ATP6V1C2: variants seen among roughly 807,000 people sequenced by gnomAD.
ATP6V1C2 encodes the protein V-type proton ATPase subunit C 2.
Under a neutral mutation model 56.8 loss-of-function variants are expected in ATP6V1C2, and 45 were observed. The observed-to-expected ratio is 0.79, with a 90% CI of 0.62 to 1.02. ATP6V1C2 has a LOEUF of 1.02. Ranked by LOEUF, ATP6V1C2 falls within the 50% of genes least tolerant of loss-of-function variation. The pLI, the probability that ATP6V1C2 is intolerant of heterozygous loss-of-function variation, is 0.00. For missense variants in ATP6V1C2, 463 were observed against 519.7 expected (o/e 0.89, Z 1.06); for synonymous variants, 220 against 201.3 (o/e 1.09, Z -0.79).
In ATP6V1C2 at chr2:10,771,856, G is replaced by C; in HGVS notation, c.488G>C (p.Arg163Pro). The stretch of plus-strand genomic sequence containing the variant: ...CCTTTTAGGGGGAACCTCTTCACCC[G>C]GACACTGAGTGATATTGTGAGCAAA... ...EKKSMGNLFT[R>P]TLSDIVSKED... The change falls in exon 7 of 14, where the codon CGG becomes CCG. Residue 163 changes from arginine to proline, a missense_variant. Physicochemically the swap from Arg to Pro is moderately radical, Grantham distance 103 (BLOSUM62 -2). Transcript: ENST00000272238. The C allele has an allele frequency of 6.2e-7, 1 of 1,613,988 alleles. No homozygotes were observed. The highest frequency in any genetic ancestry group is 8.5e-7 in the Non-Finnish European group (1 of 1,179,916).
At chr2:10,782,530 T>C (rs1045079711) in intron 13 of ATP6V1C2, among the ~76,000 whole-genome samples, 155 bp downstream of exon 13, 4 of 151,676 alleles carry the variant, frequency 2.6e-5, no homozygotes, top group African/African-American at 9.7e-5. Flanking sequence ...TAAGACCCTG[T>C]CTCTACTAAA....
At chr2:10,776,750 C>T (rs1665016972) in intron 10 of ATP6V1C2, among the ~76,000 whole-genome samples, 1 of 152,164 alleles carries the variant, frequency 6.6e-6, no homozygotes, top group Admixed American at 6.5e-5. Context: ...TGGGCACTGG[C>T]CCAGGCCTGC....
chr2:10,780,568 A>G lies in ATP6V1C2; in HGVS notation c.1062-1675A>G, dbSNP rs1665284494. ...CAGCATTGGGTTGGAGGGTGTACCC[A>G]GCTCCTGGGAGTGTTCTAGCCATCT... is the stretch of plus-strand genomic sequence containing the variant. On this transcript the variant is annotated intron_variant, in intron 12 of 13. Transcript: ENST00000272238. This position sits in a 1 kb window ranked among gnomAD's most constrained non-coding sequence, Gnocchi z 4.1. Among the ~76,000 whole-genome samples, 1 of 152,196 alleles carries G rather than the reference A, an allele frequency of 6.6e-6. No individual in the cohort carries two copies. The highest frequency in any genetic ancestry group is 2.1e-4 in the South Asian group (1 of 4,836).
rs201222169 is a variant in ATP6V1C2 at position 10,768,766 on chromosome 2, C to A, written c.426C>A (p.Tyr142Ter). The A allele has an allele frequency of 6.2e-7, 1 of 1,614,078 alleles. No homozygotes were observed. The highest frequency in any genetic ancestry group is 8.5e-7 in the Non-Finnish European group (1 of 1,180,042). Residue 142 changes from tyrosine to a stop codon, truncating the protein, a stop_gained, in exon 6 of 14, where the codon TAC becomes TAA. Coordinates refer to ENST00000272238, the MANE Select transcript of ATP6V1C2 (RefSeq NM_001039362.2). LOFTEE classifies it high-confidence loss of function. ...ACCTGAAGTCCCGAACGGCCGCCTA[C>A]AACACTCTGAAGACAAACCTGGAGA... ...EMDLKSRTAA[Y>*]NTLKTNLENL...
intron 8 of ATP6V1C2, among the ~76,000 whole-genome samples, chr2:10,773,152 G>A (rs1390749633): frequency 6.6e-6 from 1 of 152,230 alleles, no homozygotes; most frequent in African/African-American, 2.4e-5. Flanking sequence ...TGTGTCAGGA[G>A]GGATGAAGGG....
In ATP6V1C2 at chr2:10,728,859, C is replaced by T. The variant is rs538528885; in HGVS notation, c.197+2290C>T. On this transcript the variant is annotated intron_variant, in intron 3 of 13. Transcript: ENST00000272238. Reference sequence around the variant, plus strand: ...TTGTTTAAATTATTACAAATCTGGGCCAGGCGTGGTGGCTCACACCTATAA... The same window carrying T: ...TTGTTTAAATTATTACAAATCTGGGTCAGGCGTGGTGGCTCACACCTATAA... Among the ~76,000 whole-genome samples, 259 of 150,654 alleles carry T rather than the reference C, an allele frequency of 1.7e-3. 1 individual carries two copies. The highest frequency in any genetic ancestry group is 1.9e-4 in the Non-Finnish European group (13 of 67,848).
At chr2:10,765,997 G>A (rs1056882742) in intron 5 of ATP6V1C2, among the ~76,000 whole-genome samples, 4 of 152,204 alleles carry the variant, frequency 2.6e-5, no homozygotes, top group Non-Finnish European at 5.9e-5. Flanking sequence ...CTTACTGTCC[G>A]CCTCATGCCA....
At chr2:10,743,398 C>A (rs1465071087) in intron 3 of ATP6V1C2, among the ~76,000 whole-genome samples, 2 of 151,026 alleles carry the variant, frequency 1.3e-5, no homozygotes, top group East Asian at 4.0e-4. Context: ...AGCCACCACA[C>A]CTGATCTCAT....
chr2:10,752,620 A>C (rs1663284594), intron 3 of ATP6V1C2, among the ~76,000 whole-genome samples: 1 of 152,196 alleles, frequency 6.6e-6, no homozygotes, highest in South Asian at 2.1e-4. Context: ...TGGTTATGTC[A>C]ATATTCATAA....
intron 3 of ATP6V1C2, among the ~76,000 whole-genome samples, chr2:10,729,945 A>G (rs1281715023): frequency 6.6e-6 from 1 of 152,134 alleles, no homozygotes; most frequent in African/African-American, 2.4e-5. Flanking sequence ...GCTTCCTTAA[A>G]GGGTTTCAGG....
chr2:10,783,958 C>CCAAGAACATTCAAG lies in ATP6V1C2; in HGVS notation c.*698_*711dup, dbSNP rs1665562662. 1 of 237,840 alleles carries CCAAGAACATTCAAG rather than the reference C, an allele frequency of 4.2e-6. No homozygotes were observed. Among genetic ancestry groups the CCAAGAACATTCAAG allele is most frequent in the Non-Finnish European group, 8.0e-6 (1 of 124,378 alleles). The allele number at this position is 237,840 out of a possible 1,614,324, so 14.7% of individuals were successfully genotyped here. A position where few individuals can be genotyped will look rare whatever the true frequency, so the allele number is the denominator to read the frequency against. ...AAAACCCATACATAAGAAACAGCCT[C>CCAAGAACATTCAAG]CAAGAACATTCAAGCAGCAGTCAGA... On this transcript the variant is annotated 3_prime_UTR_variant, in exon 14 of 14. Coordinates refer to ENST00000272238, the MANE Select transcript of ATP6V1C2 (RefSeq NM_001039362.2).
chr2:10,770,597 G>C (rs903048594), intron 6 of ATP6V1C2, among the ~76,000 whole-genome samples: 2 of 152,250 alleles, frequency 1.3e-5, no homozygotes, highest in African/African-American at 4.8e-5. Flanking sequence ...GCATCACCCT[G>C]AGATGGATTT....
chr2:10,730,996 G>T (rs1292537558), intron 3 of ATP6V1C2, among the ~76,000 whole-genome samples: 1 of 150,372 alleles, frequency 6.7e-6, no homozygotes, highest in Non-Finnish European at 1.5e-5. Context: ...TCTGTCGCCA[G>T]CCTGGAGTGC....
Position 10,783,193 on chromosome 2 carries a change from G to T in ATP6V1C2, c.1214G>T (p.Gly405Val). The part of the protein sequence containing the change: ...SILDASVEIP[G>V]LQLNNQDYFP... ...TTGTAGGCATCTGTGGAGATCCCGGGACTGCAACTCAATAACCAAGACTAT... is the reference window on the plus strand; with the variant it reads ...TTGTAGGCATCTGTGGAGATCCCGGTACTGCAACTCAATAACCAAGACTAT... The change falls in exon 14 of 14, where the codon GGA becomes GTA. Residue 405 changes from glycine to valine, a missense_variant. Physicochemically the swap from Gly to Val is moderately radical, Grantham distance 109. Coordinates refer to ENST00000272238, the MANE Select transcript of ATP6V1C2 (RefSeq NM_001039362.2). 6.2e-7 allele frequency: 1 copy of T among 1,613,172 alleles called. No individual in the cohort carries two copies. Among genetic ancestry groups the T allele is most frequent in the South Asian group, 1.1e-5 (1 of 90,992 alleles).
rs576707692 is a variant in ATP6V1C2, at chr2:10,728,525, C to T, written c.197+1956C>T. ...GGCTGTGTTACTGTGAATAGATGTA[C>T]CCTCATTTATTTGAATAGACTGGTG... On this transcript the variant is annotated intron_variant, in intron 3 of 13. Transcript: ENST00000272238. Among the ~76,000 whole-genome samples, 5 of 152,046 alleles carry T rather than the reference C, an allele frequency of 3.3e-5. No homozygotes were observed. The East Asian group carries it at 9.6e-4, about 29-fold the overall frequency.
chr2:10,785,047 C>A lies in ATP6V1C2; in HGVS notation c.*1784C>A. 6.8e-7 allele frequency: 1 copy of A among 1,479,124 alleles called. No homozygotes were observed. The highest frequency in any genetic ancestry group is 1.2e-5 in the South Asian group (1 of 83,216). The allele number at this position is 1,479,124 out of a possible 1,614,324, so 91.6% of individuals were successfully genotyped here. Reference sequence around the variant, plus strand: ...GAGAGCTCCCTTAGGGAAAAATGACCAAAACACACACACACATTTACAATG... The same window carrying A: ...GAGAGCTCCCTTAGGGAAAAATGACAAAAACACACACACACATTTACAATG... On this transcript the variant is annotated 3_prime_UTR_variant, in exon 14 of 14. Coordinates refer to ENST00000272238, the MANE Select transcript of ATP6V1C2 (RefSeq NM_001039362.2).
At chr2:10,764,246 C>G in intron 4 of ATP6V1C2, 85 bp from the exon 5 acceptor site, 1 of 1,249,126 alleles carries the variant, frequency 8.0e-7, no homozygotes, top group Admixed American at 1.7e-5. Flanking sequence ...CGTGTCCACG[C>G]TGATGCTTGG....
Position 10,778,635 on chromosome 2 carries a change from A to G in ATP6V1C2, c.1027A>G (p.Lys343Glu). 6.2e-7 allele frequency: 1 copy of G among 1,614,130 alleles called. No individual in the cohort carries two copies. Residue 343 changes from lysine to glutamate, a missense_variant, in exon 12 of 14, where the codon AAG (lysine) becomes GAG (glutamate). Physicochemically the swap from Lys to Glu is moderately conservative, Grantham distance 56 (BLOSUM62 1). Coordinates refer to ENST00000272238, the MANE Select transcript of ATP6V1C2 (RefSeq NM_001039362.2). ...SEAFIAWIHI[K>E]ALRVFVESVL... ...AGCCTTCATTGCCTGGATCCACATC[A>G]AGGCCCTGAGAGTGTTTGTGGAGTC...
chr2:10,784,044 ATTCACCGGCTACAAC>A lies in ATP6V1C2; in HGVS notation c.*782_*796del. The A allele has an allele frequency of 2.5e-6, 1 of 401,498 alleles. No individual in the cohort carries two copies. The highest frequency in any genetic ancestry group is 4.4e-6 in the Non-Finnish European group (1 of 226,260). The allele number at this position is 401,498 out of a possible 1,614,324, so 24.9% of individuals were successfully genotyped here. A position where few individuals can be genotyped will look rare whatever the true frequency, so the allele number is the denominator to read the frequency against. On this transcript the variant is annotated 3_prime_UTR_variant, in exon 14 of 14. Transcript: ENST00000272238. ...ATATTATGTGACAGAATACGACTCA[ATTCACCGGCTACAAC>A]AATTCATAGAATTTTTCAATGTTTT... is the stretch of plus-strand genomic sequence containing the variant.
Sources: gnomAD v4.1 joint callset for allele counts (sites outside exome capture counted in the v4.1 genomes callset) on GRCh38, gnomAD v4.1.1 for gene constraint, Gnocchi (gnomAD v3.1) non-coding constraint, MANE v1.5 for transcripts, NCBI Gene and HGNC (gene_info 2026-07-23, HGNC 2026-07-21) for gene names.